The following PPP2R3B variants were observed in gnomAD, a reference collection of about 807,000 sequenced individuals.
PPP2R3B encodes protein phosphatase 2 regulatory subunit B''beta.
A neutral mutation model predicts 72.9 loss-of-function variants in PPP2R3B; 68 were observed. The ratio of observed to expected loss-of-function variants is 0.93; its 90% CI spans 0.77 to 1.14. The LOEUF (loss-of-function observed/expected upper bound fraction) is 1.14, where lower values mean the gene tolerates loss of function less well. PPP2R3B is among the 50% of genes most tolerant of loss of function. The pLI, the probability that PPP2R3B is intolerant of heterozygous loss-of-function variation, is 0.00. For missense variants in PPP2R3B, 1,018 were observed against 842.0 expected (o/e 1.21, Z -2.59); for synonymous variants, 466 against 375.8 (o/e 1.24, Z -2.78).
At chrX:356,480 T>C (rs949989104) in intron 2 of PPP2R3B, among the ~76,000 whole-genome samples, 3 of 152,168 alleles carry the variant, frequency 2.0e-5, no homozygotes, top group African/African-American at 7.2e-5. Flanking sequence ...CCTCCCGAAG[T>C]GCTGGGATTA....
chrX:341,257 G>C (rs6645142), intron 9 of PPP2R3B, 50 bp downstream of exon 9: 1 of 1,592,278 alleles, frequency 6.3e-7, no homozygotes, highest in Non-Finnish European at 8.6e-7. Context: ...TCACATGGGC[G>C]GCTCCCGGCC....
chrX:375,373 C>G lies in PPP2R3B; in HGVS notation c.324+10995G>C, dbSNP rs143436292. 8.0e-3 allele frequency among the ~76,000 whole-genome samples: 1,218 copies of G among 151,316 alleles called. 9 individuals are homozygous for G. The highest frequency in any genetic ancestry group is 0.028 in the African/African-American group (1,158 of 41,064). On this transcript the variant is annotated intron_variant, in intron 1 of 12. Transcript: ENST00000390665. ...AGTCACCCACGATGCGGGGCGCAAA[C>G]TCACAGGGCAGAGGTGCTGCCCAGT...
In PPP2R3B at chrX:347,221, C is replaced by T. The variant is rs368316222; in HGVS notation, c.717+13G>A. On this transcript the variant is annotated intron_variant, in intron 4 of 12. Coordinates refer to ENST00000390665, the MANE Select transcript of PPP2R3B (RefSeq NM_013239.5). ...TGAAGGATAAGGCCTGTGGTGTAGA[C>T]GCAGGCTCTCACCTGCAAGAAGGGG... is the stretch of plus-strand genomic sequence containing the variant. 1.5e-5 allele frequency: 24 copies of T among 1,608,808 alleles called. No individual in the cohort carries two copies. The highest frequency in any genetic ancestry group is 1.8e-4 in the Middle Eastern group (1 of 5,686).
chrX:347,105 T>A (rs1186703442), intron 4 of PPP2R3B, 129 bp downstream of exon 4: 1 of 1,138,424 alleles, frequency 8.8e-7, no homozygotes, highest in African/African-American at 1.6e-5. Context: ...AGGTGTGCGG[T>A]GTAGACGCGG....
At chrX:363,593 C>T (rs1192200020) in intron 1 of PPP2R3B, among the ~76,000 whole-genome samples, 7 of 12,312 alleles carry the variant, frequency 5.7e-4, no homozygotes, top group Non-Finnish European at 9.6e-4. Flanking sequence ...CAATGCATCT[C>T]CCCGTGCCCG....
chrX:343,849 A>G (rs1438584840), intron 7 of PPP2R3B, among the ~76,000 whole-genome samples: 1 of 34,114 alleles, frequency 2.9e-5, no homozygotes, highest in Non-Finnish European at 5.5e-5. Flanking sequence ...GGGAGACCTC[A>G]CCAAGGAGAC....
At chrX:385,030 G>A (rs1405960400) in intron 1 of PPP2R3B, among the ~76,000 whole-genome samples, 2 of 149,824 alleles carry the variant, frequency 1.3e-5, no homozygotes, top group East Asian at 2.0e-4. Context: ...CTTTATCCTG[G>A]TAACTACTCA....
At chrX:357,773 G>A (rs1257211242) in intron 2 of PPP2R3B, among the ~76,000 whole-genome samples, 1 of 152,202 alleles carries the variant, frequency 6.6e-6, no homozygotes, top group Non-Finnish European at 1.5e-5. Context: ...GGGGGCAGCT[G>A]AGGGGGTGGA....
chrX:378,775 A>C (rs1289400154), intron 1 of PPP2R3B, among the ~76,000 whole-genome samples: 1 of 152,044 alleles, frequency 6.6e-6, no homozygotes, highest in Non-Finnish European at 1.5e-5. Context: ...CTTCCTCCTC[A>C]CAACGAGACT....
intron 1 of PPP2R3B, among the ~76,000 whole-genome samples, chrX:368,856 C>T (rs111614969): frequency 4.8e-5 from 3 of 62,798 alleles, no homozygotes; most frequent in Non-Finnish European, 9.5e-5. Context: ...GGGCACCGAC[C>T]GGGGGAAGGC....
At chrX:382,525 C>G (rs1216154608) in intron 1 of PPP2R3B, among the ~76,000 whole-genome samples, 1 of 152,068 alleles carries the variant, frequency 6.6e-6, no homozygotes, top group East Asian at 1.9e-4. Flanking sequence ...CTTGGTCCTG[C>G]CCCCTATACC....
rs950950107 is a variant in PPP2R3B at position 381,593 on chromosome X, C to CTTTTT, written c.324+4770_324+4774dup. ...ATGGGATGGACAGGAACAAGCTCAT[C>CTTTTT]TTTTTTTTTTTTTTTTTTTTTTTGA... On this transcript the variant is annotated intron_variant, in intron 1 of 12. Transcript: ENST00000390665. Among the ~76,000 whole-genome samples, 33 of 95,058 alleles carry CTTTTT rather than the reference C, an allele frequency of 3.5e-4. 1 individual carries two copies. Among genetic ancestry groups the CTTTTT allele is most frequent in the African/African-American group, 9.4e-4 (22 of 23,498 alleles). 62.4% of individuals were successfully genotyped at this position (95,058 alleles called of 152,430 possible).
Position 361,491 on chromosome X carries a change from C to G in PPP2R3B, c.424G>C (p.Asp142His). ...RGRPQDSVNVDAVISKIESTF... is the reference protein window; with the variant it reads ...RGRPQDSVNVHAVISKIESTF... ...CTCTCGATCTTGCTGATGACGGCAT[C>G]CACGTTGACGGAGTCCTGCGGGCGT... The change falls in exon 2 of 13, where the codon GAT becomes CAT. Residue 142 changes from aspartate (D) to histidine (H), a missense_variant. Coordinates refer to ENST00000390665, the MANE Select transcript of PPP2R3B (RefSeq NM_013239.5). 2 of 1,614,006 alleles carry G rather than the reference C, an allele frequency of 1.2e-6. No individual in the cohort carries two copies. The highest frequency in any genetic ancestry group is 1.7e-6 in the Non-Finnish European group (2 of 1,179,872).
Position 369,891 on chromosome X carries a change from C to T in PPP2R3B, c.325-8301G>A, listed in dbSNP as rs1467736726. ...CACTCTGCAGCGGGAGGCGGAAGCACGGGAGGCTGTGGTATGGAATCAGGG... is the reference window on the plus strand; with the variant it reads ...CACTCTGCAGCGGGAGGCGGAAGCATGGGAGGCTGTGGTATGGAATCAGGG... On this transcript the variant is annotated intron_variant, in intron 1 of 12. Coordinates refer to ENST00000390665, the MANE Select transcript of PPP2R3B (RefSeq NM_013239.5). 4.6e-5 allele frequency among the ~76,000 whole-genome samples: 7 copies of T among 152,162 alleles called. No homozygotes were observed. The South Asian group carries it at 8.3e-4, about 18-fold the overall frequency.
chrX:335,740 C>T (rs2070871930), intron 12 of PPP2R3B: 1 of 152,234 alleles, frequency 6.6e-6, no homozygotes, highest in Admixed American at 6.5e-5. Flanking sequence ...CCTCACTGAT[C>T]ACACACAAAG....
chrX:386,620 G>A lies in PPP2R3B; in HGVS notation c.72C>T (p.Ser24=), dbSNP rs1016559809. 3.4e-6 allele frequency: 5 copies of A among 1,449,500 alleles called. No homozygotes were observed. Among genetic ancestry groups the A allele is most frequent in the Admixed American group, 4.7e-5 (2 of 42,112 alleles). 89.8% of individuals were successfully genotyped at this position (1,449,500 alleles called of 1,614,324 possible). ...GCAGCATCCGCTGCGTGCTGGCCTC[G>A]CTGAGCCAGTACAGGAACAGCTCGT... is the stretch of plus-strand genomic sequence containing the variant. ...KVDELFLYWL[S]EASTQRMLQD... is the part of the protein sequence containing the mutation. Residue 24 remains serine (S), a synonymous_variant, in exon 1 of 13, where the codon AGC becomes AGT. Transcript: ENST00000390665.
In PPP2R3B at chrX:347,820, G is replaced by A. The variant is rs142068380; in HGVS notation, c.511-127C>T. ...TGCAGAAAGACACAGCACGCTCAGC[G>A]CGGCCTGTCTGGGCATCTGCAAACT... is the stretch of plus-strand genomic sequence containing the variant. On this transcript the variant is annotated intron_variant, in intron 2 of 12. Transcript: ENST00000390665. 2.1e-3 allele frequency: 1,404 copies of A among 678,152 alleles called. 7 individuals are homozygous for A. The highest frequency in any genetic ancestry group is 3.0e-3 in the Non-Finnish European group (1,233 of 413,670). 42.0% of individuals were successfully genotyped at this position (678,152 alleles called of 1,614,324 possible). A position where few individuals can be genotyped will look rare whatever the true frequency, so the allele number is the denominator to read the frequency against.
chrX:375,469 C>T (rs2071970065), intron 1 of PPP2R3B, among the ~76,000 whole-genome samples: 1 of 144,952 alleles, frequency 6.9e-6, no homozygotes, highest in Non-Finnish European at 1.5e-5. Flanking sequence ...AGGATGCAAA[C>T]TCACAGGGCA....
At chrX:341,819 G>C (rs2071084870) in intron 8 of PPP2R3B, 64 bp downstream of exon 8, 2 of 1,562,450 alleles carry the variant, frequency 1.3e-6, no homozygotes, top group Non-Finnish European at 1.8e-6. Context: ...AGGCAACGAT[G>C]AGGAGAGGGA....
Sources: allele counts gnomAD v4.1 joint callset (sites outside exome capture counted in the v4.1 genomes callset), GRCh38; gene constraint gnomAD v4.1.1; transcripts MANE v1.5; gene names NCBI Gene and HGNC (gene_info 2026-07-23, HGNC 2026-07-21).